SUN3: variants seen among roughly 807,000 people sequenced by gnomAD.
SUN3 encodes the protein Sad1 and UNC84 domain containing 3.
Under a neutral mutation model 48.2 loss-of-function variants are expected in SUN3, and 36 were observed. That is an observed-to-expected ratio of 0.75 (90% confidence interval 0.57 to 0.99). SUN3 has a LOEUF of 0.99. Ranked by LOEUF, SUN3 falls within the 50% of genes least tolerant of loss-of-function variation. The pLI, the probability that SUN3 is intolerant of heterozygous loss-of-function variation, is 0.00. For missense variants in SUN3, 419 were observed against 433.1 expected, an observed-to-expected ratio of 0.97 and a Z score of 0.29; for synonymous variants, 148 against 147.9, an observed-to-expected ratio of 1.00 and a Z score of 0.00.
intron 2 of SUN3, among the ~76,000 whole-genome samples, chr7:48,022,922 A>T (rs1790040122): frequency 6.6e-6 from 1 of 152,120 alleles, no homozygotes; most frequent in Admixed American, 6.5e-5. Flanking sequence ...CGATTCTCCC[A>T]ACTGCAGAAA....
At chr7:48,016,360 G>A (rs188858185) in intron 3 of SUN3, among the ~76,000 whole-genome samples, 1 of 152,266 alleles carries the variant, frequency 6.6e-6, no homozygotes, top group African/African-American at 2.4e-5. Context: ...CCGGCTCTGC[G>A]TGAATTATTC....
At chr7:48,000,534 T>A (rs910634568) in intron 6 of SUN3, among the ~76,000 whole-genome samples, 9 of 152,236 alleles carry the variant, frequency 5.9e-5, no homozygotes, top group Admixed American at 1.3e-4. Context: ...CTGAAGAACT[T>A]CCTTTAGCAG....
intron 2 of SUN3, among the ~76,000 whole-genome samples, chr7:48,021,320 T>C (rs571122933): frequency 1.3e-5 from 2 of 152,184 alleles, no homozygotes; most frequent in East Asian, 1.9e-4. Context: ...TAAGAAAACA[T>C]TGGGGGACAA....
upstream of SUN3, among the ~76,000 whole-genome samples, chr7:48,032,978 C>T (rs1022718377): frequency 3.3e-5 from 5 of 152,184 alleles, no homozygotes; most frequent in African/African-American, 9.7e-5. Context: ...CATTTTTCCT[C>T]TTCTCAAAAT....
intron 8 of SUN3, among the ~76,000 whole-genome samples, chr7:47,993,058 A>C (rs576234132): frequency 3.0e-4 from 46 of 152,256 alleles, no homozygotes; most frequent in Admixed American, 2.9e-3. Context: ...CAACCTGGGC[A>C]ACAGAGCTGA....
chr7:48,030,006 C>T (rs1790234137), upstream of SUN3, among the ~76,000 whole-genome samples: 1 of 152,090 alleles, frequency 6.6e-6, no homozygotes, highest in Non-Finnish European at 1.5e-5. Context: ...CTCAGAGAGT[C>T]TTTTCAATTT....
upstream of SUN3, among the ~76,000 whole-genome samples, chr7:48,031,628 A>G (rs1187880710): frequency 6.6e-6 from 1 of 152,224 alleles, no homozygotes; most frequent in Non-Finnish European, 1.5e-5. Context: ...CATTATGAAA[A>G]ACAGTATGGA....
chr7:47,993,299 C>G (rs191171215), intron 8 of SUN3, among the ~76,000 whole-genome samples: 1 of 152,062 alleles, frequency 6.6e-6, no homozygotes, highest in Non-Finnish European at 1.5e-5. Context: ...GAATTCCAGT[C>G]TTAGGTATAC....
At position 48,006,343 on chromosome 7, in the gene SUN3, TG is replaced by T. The variant is rs111387377; in HGVS notation, c.493-291del. Among the ~76,000 whole-genome samples the T allele has an allele frequency of 3.0e-3, 451 of 152,256 alleles. 7 individuals carry two copies. Among genetic ancestry groups the T allele is most frequent in the African/African-American group, 0.01 (420 of 41,546 alleles). The stretch of plus-strand genomic sequence containing the variant: ...GGGTCTCTTCTGAAGCCCTAACCAC[TG>T]GCATCACAGTGCTCTCCCGGTGAGG... On this transcript the variant is annotated intron_variant, in intron 5 of 9. Coordinates refer to ENST00000297325, the MANE Select transcript of SUN3 (RefSeq NM_001030019.2).
In SUN3 at chr7:48,027,207, A is replaced by G. The variant is rs1334717911; in HGVS notation, c.123-1269T>C. Among the ~76,000 whole-genome samples, 4 of 152,124 alleles carry G rather than the reference A, an allele frequency of 2.6e-5. No homozygotes were observed. The East Asian group carries it at 5.8e-4, about 22-fold the overall frequency. ...CATTCTTATAACTGTGTAGTATTTC[A>G]TTGTGTGAATATATCATGTGGGTAT... On this transcript the variant is annotated intron_variant, in intron 1 of 9. Transcript: ENST00000297325.
In SUN3 at chr7:47,989,300, G is replaced by A. The variant is rs1218518674; in HGVS notation, c.862-420C>T. 2.6e-5 allele frequency among the ~76,000 whole-genome samples: 4 copies of A among 152,178 alleles called. No homozygotes were observed. The East Asian group carries it at 7.7e-4, about 29-fold the overall frequency. On this transcript the variant is annotated intron_variant, in intron 8 of 9. Transcript: ENST00000297325. Reference sequence around the variant, plus strand: ...TAAAATAAAAATGCGTCGCCATACTGAACTGATGTTTACCAAAATGAGATA... The same window carrying A: ...TAAAATAAAAATGCGTCGCCATACTAAACTGATGTTTACCAAAATGAGATA...
intron 1 of SUN3, among the ~76,000 whole-genome samples, chr7:48,026,330 T>C (rs909495092): frequency 2.0e-5 from 3 of 152,278 alleles, no homozygotes; most frequent in Non-Finnish European, 2.9e-5. Context: ...TCTGATTTTA[T>C]GGAAATTTTG....
At chr7:48,007,097 C>T in intron 5 of SUN3, 68 bp downstream of exon 5, 1 of 1,488,326 alleles carries the variant, frequency 6.7e-7, no homozygotes, top group Non-Finnish European at 9.1e-7. Context: ...TACTCACTCC[C>T]CGTCACCCTG....
intron 6 of SUN3, among the ~76,000 whole-genome samples, chr7:48,003,225 G>GT (rs1562603698): frequency 6.6e-6 from 1 of 152,168 alleles, no homozygotes; most frequent in Non-Finnish European, 1.5e-5. Flanking sequence ...TTAGATAGTT[G>GT]TAAGTGTGTG....
rs533492548 is a variant in SUN3 at position 48,008,084 on chromosome 7, A to G, written c.330-757T>C. Among the ~76,000 whole-genome samples, 887 of 152,200 alleles carry G rather than the reference A, an allele frequency of 5.8e-3. 8 individuals carry two copies. The highest frequency in any genetic ancestry group is 0.02 in the African/African-American group (846 of 41,504). On this transcript the variant is annotated intron_variant, in intron 4 of 9. Coordinates refer to ENST00000297325, the MANE Select transcript of SUN3 (RefSeq NM_001030019.2). ...AGTGATCCACCCGCCTCGGCCACCC[A>G]AAGTGCTGGGATTACAGGCGTGAGC...
chr7:48,002,481 C>T (rs1334386395), intron 6 of SUN3, among the ~76,000 whole-genome samples: 2 of 152,122 alleles, frequency 1.3e-5, no homozygotes, highest in African/African-American at 4.8e-5. Flanking sequence ...CTCTAATGAT[C>T]AGTGACGTCG....
rs1789510357 is a variant in SUN3, at chr7:48,005,859, C to CA, written c.577+109dup. On this transcript the variant is annotated intron_variant, in intron 6 of 9. Transcript: ENST00000297325. ...TCTAAATTGATTAATTTCCCCCCCCCAAGTTACCAGATAAATATGTTTTCC... is the reference window on the plus strand; with the variant it reads ...TCTAAATTGATTAATTTCCCCCCCCCAAAGTTACCAGATAAATATGTTTTCC... 8 of 551,636 alleles carry CA rather than the reference C, an allele frequency of 1.5e-5. No homozygotes were observed. The South Asian group carries it at 2.2e-4, about 15-fold the overall frequency. 34.2% of individuals were successfully genotyped at this position (551,636 alleles called of 1,614,324 possible).
rs886414717 is a variant in SUN3 at position 48,005,847 on chromosome 7, A to AT, written c.577+121dup. On this transcript the variant is annotated intron_variant, in intron 6 of 9. Transcript: ENST00000297325. Reference sequence around the variant, plus strand: ...TCTTCTTTATTATCTAAATTGATTAATTTCCCCCCCCCAAGTTACCAGATA... The same window carrying AT: ...TCTTCTTTATTATCTAAATTGATTAATTTTCCCCCCCCCAAGTTACCAGATA... 14 of 501,600 alleles carry AT rather than the reference A, an allele frequency of 2.8e-5. 1 individual carries two copies. The highest frequency in any genetic ancestry group is 5.4e-5 in the South Asian group (2 of 37,146). The allele number at this position is 501,600 out of a possible 1,614,324, so 31.1% of individuals were successfully genotyped here. A position where few individuals can be genotyped will look rare whatever the true frequency, so the allele number is the denominator to read the frequency against.
intron 1 of SUN3, among the ~76,000 whole-genome samples, chr7:48,026,373 T>C (rs1319807330): frequency 1.1e-4 from 16 of 152,268 alleles, no homozygotes; most frequent in Admixed American, 1.0e-3. Flanking sequence ...AGTTAAGAAA[T>C]ATCTGATAAA....
Sources: gnomAD v4.1 joint callset for allele counts (sites outside exome capture counted in the v4.1 genomes callset) on GRCh38, gnomAD v4.1.1 for gene constraint, MANE v1.5 for transcripts, NCBI Gene and HGNC (gene_info 2026-07-23, HGNC 2026-07-21) for gene names.